TENM3: variants seen among roughly 807,000 people sequenced by gnomAD.
TENM3 encodes teneurin-3.
Under a neutral mutation model 255.1 loss-of-function variants are expected in TENM3, and 63 were observed. That is an observed-to-expected ratio of 0.25 (90% CI 0.20 to 0.30). The LOEUF is 0.30. TENM3 is among the 10% of genes least tolerant of loss of function. The pLI is 1.00. For missense variants in TENM3, 2,929 were observed against 3,461.1 expected (o/e 0.85, Z 3.86); for synonymous variants, 1,306 against 1,322.3 (o/e 0.99, Z 0.27).
chr4:182,185,149 A>G (rs540307265), intron 1 of TENM3, among the ~76,000 whole-genome samples: 37 of 152,282 alleles, frequency 2.4e-4, no homozygotes, highest in Admixed American at 1.1e-3. Flanking sequence ...ACGGATTGCA[A>G]ATGTGGCTTG....
At chr4:181,462,265 T>C in the TENM3 span, among the ~76,000 whole-genome samples, 3 of 152,140 alleles carry the variant, frequency 2.0e-5, no homozygotes, top group Non-Finnish European at 4.4e-5. Context: ...TTGCCTCTTA[T>C]TCATGTATAA....
chr4:181,839,474 A>C, the TENM3 span, among the ~76,000 whole-genome samples: 1 of 146,888 alleles, frequency 6.8e-6, no homozygotes, highest in Non-Finnish European at 1.5e-5. Context: ...ATATATATAC[A>C]AAATACATTT....
At chr4:181,551,142 T>G in the TENM3 span, among the ~76,000 whole-genome samples, 1 of 152,302 alleles carries the variant, frequency 6.6e-6, no homozygotes, top group African/African-American at 2.4e-5. Context: ...TCCCATTCTC[T>G]CTTGACTAAA....
the TENM3 span, among the ~76,000 whole-genome samples, chr4:182,049,171 C>A: frequency 6.6e-6 from 1 of 152,098 alleles, no homozygotes; most frequent in Non-Finnish European, 1.5e-5. Context: ...ACCTATCACC[C>A]TTTTTCTCTG....
chr4:182,047,718 A>G, the TENM3 span, among the ~76,000 whole-genome samples: 4 of 152,036 alleles, frequency 2.6e-5, no homozygotes, highest in African/African-American at 4.8e-5. Flanking sequence ...GAATTCTCTG[A>G]CCTTGGCTCT....
At chr4:181,693,558 G>T in the TENM3 span, among the ~76,000 whole-genome samples, 3 of 152,246 alleles carry the variant, frequency 2.0e-5, no homozygotes, top group East Asian at 5.8e-4. Flanking sequence ...GCGGCGCAGT[G>T]AATTATTTTT....
At chr4:182,492,037 AG>A (rs1207246750) in intron 3 of TENM3, among the ~76,000 whole-genome samples, 3 of 152,194 alleles carry the variant, frequency 2.0e-5, no homozygotes, top group Admixed American at 6.5e-5. Context: ...GCTGAGCTGA[AG>A]GAAGAAGATG....
At chr4:182,110,587 A>G in the TENM3 span, among the ~76,000 whole-genome samples, 1 of 152,064 alleles carries the variant, frequency 6.6e-6, no homozygotes, top group African/African-American at 2.4e-5. Context: ...TGGCCTCCCA[A>G]AGTGCTGGGA....
chr4:181,592,430 A>G, the TENM3 span, among the ~76,000 whole-genome samples: 1 of 151,594 alleles, frequency 6.6e-6, no homozygotes, highest in South Asian at 2.1e-4. Context: ...CCTAGACTTG[A>G]GAAGCTGTGC....
chr4:181,978,638 T>C, the TENM3 span, among the ~76,000 whole-genome samples: 1 of 108,362 alleles, frequency 9.2e-6, no homozygotes. Flanking sequence ...AGAGAAAGAG[T>C]CCATCTCAAA....
the TENM3 span, among the ~76,000 whole-genome samples, chr4:181,968,561 A>T: frequency 9.2e-5 from 14 of 151,888 alleles, no homozygotes; most frequent in African/African-American, 3.4e-4. Context: ...CAAAAAGCTC[A>T]CTGATGAAAA....
chr4:181,573,397 G>C, the TENM3 span, among the ~76,000 whole-genome samples: 1 of 151,690 alleles, frequency 6.6e-6, no homozygotes, highest in Non-Finnish European at 1.5e-5. Flanking sequence ...ATCCTGGCCA[G>C]CACTGCCTGT....
chr4:181,639,639 C>T, the TENM3 span, among the ~76,000 whole-genome samples: 6 of 152,218 alleles, frequency 3.9e-5, no homozygotes, highest in African/African-American at 1.4e-4. Context: ...ACTTGGGAGG[C>T]TGAGGCCGGA....
the TENM3 span, among the ~76,000 whole-genome samples, chr4:181,844,817 C>T: frequency 2.0e-5 from 3 of 152,126 alleles, no homozygotes; most frequent in African/African-American, 7.2e-5. Context: ...AACCACTTCC[C>T]AGATCAATCT....
chr4:181,512,873 G>A, the TENM3 span, among the ~76,000 whole-genome samples: 17 of 152,246 alleles, frequency 1.1e-4, no homozygotes, highest in Admixed American at 2.6e-4. Flanking sequence ...CATATTAGAC[G>A]CATATTTATC....
chr4:181,496,655 T>C, the TENM3 span, among the ~76,000 whole-genome samples: 1 of 152,228 alleles, frequency 6.6e-6, no homozygotes, highest in Admixed American at 6.5e-5. Context: ...CGATTTACTA[T>C]GGCGTGTGTT....
chr4:181,674,857 T>C, the TENM3 span, among the ~76,000 whole-genome samples: 16 of 152,278 alleles, frequency 1.1e-4, 1 homozygote, highest in South Asian at 3.3e-3. Context: ...TGGGGACCCC[T>C]TATATGTATT....
chr4:182,656,354 C>T (rs1753744242), intron 6 of TENM3, among the ~76,000 whole-genome samples: 1 of 152,140 alleles, frequency 6.6e-6, no homozygotes, highest in East Asian at 1.9e-4. Context: ...CCCCCAAAAC[C>T]CTAAATTGTA....
the TENM3 span, among the ~76,000 whole-genome samples, chr4:181,790,028 G>A: frequency 6.6e-6 from 1 of 152,152 alleles, no homozygotes; most frequent in African/African-American, 2.4e-5. Flanking sequence ...TTTACAGTGG[G>A]TGGGTCAGAA....
Sources: allele counts gnomAD v4.1 joint callset (sites outside exome capture counted in the v4.1 genomes callset), GRCh38; gene constraint gnomAD v4.1.1; transcripts MANE v1.5; gene names NCBI Gene and HGNC (gene_info 2026-07-23, HGNC 2026-07-21).